APBB1IP: variants seen among roughly 807,000 people sequenced by gnomAD.
APBB1IP encodes amyloid beta precursor protein binding family B member 1 interacting protein, also known as amyloid beta A4 precursor protein-binding family B member 1-interacting protein.
In APBB1IP, 27 loss-of-function variants were observed where a neutral mutation model predicts 64.9. The ratio of observed to expected loss-of-function variants is 0.42; its 90% confidence interval spans 0.31 to 0.57. The LOEUF (loss-of-function observed/expected upper bound fraction) is 0.57. Ranked by LOEUF, APBB1IP falls within the 20% of genes least tolerant of loss-of-function variation. The pLI, the probability that APBB1IP is intolerant of heterozygous loss-of-function variation, is 0.20. For synonymous variants in APBB1IP, 392 were observed against 331.0 expected (o/e 1.18, Z -2.00); for missense variants, 812 against 845.5 (o/e 0.96, Z 0.49).
At chr10:26,530,430 G>A (rs545023801) in intron 8 of APBB1IP, among the ~76,000 whole-genome samples, 55 of 152,032 alleles carry the variant, frequency 3.6e-4, no homozygotes, top group Admixed American at 1.8e-3. Context: ...GGTGGCTCAC[G>A]CATGTAATCG....
chr10:26,449,911 G>A (rs1835446073), intron 2 of APBB1IP, among the ~76,000 whole-genome samples: 1 of 152,086 alleles, frequency 6.6e-6, no homozygotes, highest in Non-Finnish European at 1.5e-5. Flanking sequence ...GGAGGCTGAA[G>A]CAGGAGGATT....
At chr10:26,516,387 T>G (rs1728812418) in intron 8 of APBB1IP, among the ~76,000 whole-genome samples, 1 of 150,228 alleles carries the variant, frequency 6.7e-6, no homozygotes, top group South Asian at 2.1e-4. Flanking sequence ...TACTAAAAAT[T>G]TAAAACTTAG....
In APBB1IP at chr10:26,536,235, A is replaced by G. The variant is rs1836622330; in HGVS notation, c.1044+18A>G. 2 of 1,564,534 alleles carry G rather than the reference A, an allele frequency of 1.3e-6. No homozygotes were observed. The highest frequency in any genetic ancestry group is 1.7e-6 in the Non-Finnish European group (2 of 1,166,812). On this transcript the variant is annotated intron_variant, in intron 10 of 14. Coordinates refer to ENST00000376236, the MANE Select transcript of APBB1IP (RefSeq NM_019043.4). The stretch of plus-strand genomic sequence containing the variant: ...AGACTAAGGTCAGAAAAAAAAAAAA[A>G]AAAGCACTTAGCAATAAAGCATTTC...
chr10:26,453,843 T>C (rs1216323960), intron 2 of APBB1IP, among the ~76,000 whole-genome samples: 2 of 152,222 alleles, frequency 1.3e-5, no homozygotes, highest in Non-Finnish European at 2.9e-5. Context: ...ATCTACCATA[T>C]GATCTAGCAA....
In APBB1IP at chr10:26,503,362, G is replaced by A. The variant is rs577264708; in HGVS notation, c.531+88G>A. The A allele has an allele frequency of 2.8e-4, 382 of 1,348,446 alleles. 6 individuals are homozygous for A. The South Asian group carries it at 4.0e-3, about 14-fold the overall frequency. 83.5% of individuals were successfully genotyped at this position (1,348,446 alleles called of 1,614,324 possible). On this transcript the variant is annotated intron_variant, in intron 6 of 14. Transcript: ENST00000376236. ...GATAAAAAACAAAATAAAGCCGGGC[G>A]CGGTGGCTCACACCTGTAATCCCAG...
intron 6 of APBB1IP, among the ~76,000 whole-genome samples, chr10:26,507,797 G>A (rs1340937096): frequency 6.6e-6 from 1 of 152,196 alleles, no homozygotes; most frequent in East Asian, 1.9e-4. Flanking sequence ...GAAGTAAGTT[G>A]TTTCTTAGAT....
intron 8 of APBB1IP, among the ~76,000 whole-genome samples, chr10:26,526,124 C>T (rs1836470316): frequency 6.6e-6 from 1 of 152,162 alleles, no homozygotes; most frequent in African/African-American, 2.4e-5. Flanking sequence ...AACCCTGTCA[C>T]CTGAAACCAA....
intron 2 of APBB1IP, among the ~76,000 whole-genome samples, chr10:26,473,793 A>G (rs1230326430): frequency 2.6e-5 from 4 of 152,120 alleles, no homozygotes; most frequent in Non-Finnish European, 4.4e-5. Flanking sequence ...CTTGAGGCCA[A>G]GAGTTTGAGA....
At chr10:26,508,039 A>G (rs1836205748) in intron 6 of APBB1IP, among the ~76,000 whole-genome samples, 1 of 152,236 alleles carries the variant, frequency 6.6e-6, no homozygotes, top group Non-Finnish European at 1.5e-5. Flanking sequence ...AAAATTACGA[A>G]GACAAGTTAT....
chr10:26,499,483 A>G (rs1836069548), intron 4 of APBB1IP, among the ~76,000 whole-genome samples: 1 of 152,160 alleles, frequency 6.6e-6, no homozygotes, highest in African/African-American at 2.4e-5. Flanking sequence ...GACAAAGCTT[A>G]TTTGTTACTG....
At chr10:26,566,231 C>A (rs1837041102) in intron 14 of APBB1IP, among the ~76,000 whole-genome samples, 1 of 152,050 alleles carries the variant, frequency 6.6e-6, no homozygotes, top group South Asian at 2.1e-4. Flanking sequence ...CTAACCTGGG[C>A]AACACAGCGA....
intron 2 of APBB1IP, among the ~76,000 whole-genome samples, chr10:26,470,750 T>G (rs556985784): frequency 6.6e-6 from 1 of 152,174 alleles, no homozygotes; most frequent in Admixed American, 6.5e-5. Flanking sequence ...ATCCATAATA[T>G]GCCACGCAAT....
chr10:26,451,899 C>T (rs771996496), intron 2 of APBB1IP, among the ~76,000 whole-genome samples: 23 of 152,126 alleles, frequency 1.5e-4, no homozygotes, highest in Non-Finnish European at 2.5e-4. Context: ...GGCTTAAAAC[C>T]TTTGAATGAA....
intron 5 of APBB1IP, chr10:26,501,839 A>G (rs1836104668): frequency 6.6e-6 from 1 of 152,162 alleles, no homozygotes; most frequent in East Asian, 1.9e-4. Flanking sequence ...GATGTTTGGT[A>G]CTCACAAATA....
intron 2 of APBB1IP, among the ~76,000 whole-genome samples, chr10:26,468,673 G>C (rs1186008609): frequency 6.6e-6 from 1 of 151,474 alleles, no homozygotes; most frequent in African/African-American, 2.4e-5. Context: ...AATTAGTTTT[G>C]CACCAACCTA....
intron 2 of APBB1IP, among the ~76,000 whole-genome samples, chr10:26,470,975 T>TACTATCAGTAAGAGCA (rs1304827363): frequency 6.6e-6 from 1 of 152,196 alleles, no homozygotes; most frequent in African/African-American, 2.4e-5. Context: ...GAGCAACACT[T>TACTATCAGTAAGAGCA]ACTGAACTTT....
intron 2 of APBB1IP, among the ~76,000 whole-genome samples, chr10:26,490,849 CA>C (rs1835946486): frequency 6.6e-6 from 1 of 152,100 alleles, no homozygotes. Flanking sequence ...GAATGAGATA[CA>C]AATGCATGCA....
At chr10:26,566,316 A>G (rs1837043024) in intron 14 of APBB1IP, among the ~76,000 whole-genome samples, 1 of 152,200 alleles carries the variant, frequency 6.6e-6, no homozygotes, top group Non-Finnish European at 1.5e-5. Flanking sequence ...GTGCAATGGC[A>G]TGATCTCAGC....
intron 6 of APBB1IP, among the ~76,000 whole-genome samples, chr10:26,508,517 A>G (rs1486495413): frequency 6.6e-6 from 1 of 152,086 alleles, no homozygotes; most frequent in African/African-American, 2.4e-5. Context: ...TAAAATCTTT[A>G]ATAGATCATT....
Sources: gnomAD v4.1 joint callset for allele counts (sites outside exome capture counted in the v4.1 genomes callset) on GRCh38, gnomAD v4.1.1 for gene constraint, MANE v1.5 for transcripts, NCBI Gene and HGNC (gene_info 2026-07-23, HGNC 2026-07-21) for gene names.